Variants in SKIC3 observed in about 807,000 individuals in gnomAD.
SKIC3 encodes SKI3 subunit of superkiller complex, also known as superkiller complex protein 3.
the SKIC3 span, among the ~76,000 whole-genome samples, chr5:95,483,832 C>T: frequency 6.6e-6 from 1 of 152,248 alleles, no homozygotes; most frequent in South Asian, 2.1e-4. Flanking sequence ...AGCCTGCAAG[C>T]ATAGAGCCCT....
the SKIC3 span, among the ~76,000 whole-genome samples, chr5:95,546,234 G>A: frequency 6.6e-6 from 1 of 151,520 alleles, no homozygotes; most frequent in South Asian, 2.1e-4. Flanking sequence ...AAACTACAGC[G>A]GAGTTCACTA....
At chr5:95,520,422 C>G in the SKIC3 span, among the ~76,000 whole-genome samples, 3 of 149,876 alleles carry the variant, frequency 2.0e-5, no homozygotes, top group African/African-American at 7.4e-5. Flanking sequence ...TGAAAGAGAA[C>G]ACTAACACAT....
At chr5:95,517,513 T>C in the SKIC3 span, among the ~76,000 whole-genome samples, 1 of 152,160 alleles carries the variant, frequency 6.6e-6, no homozygotes, top group Non-Finnish European at 1.5e-5. Context: ...AGGAAGGGAT[T>C]ACTTTAAGTG....
chr5:95,503,143 G>T, the SKIC3 span: 1 of 941,856 alleles, frequency 1.1e-6, no homozygotes, highest in Non-Finnish European at 1.6e-6. Context: ...CAAGCAGATA[G>T]AATAAAAATT....
At chr5:95,476,227 T>A in the SKIC3 span, among the ~76,000 whole-genome samples, 1 of 152,180 alleles carries the variant, frequency 6.6e-6, no homozygotes, top group Non-Finnish European at 1.5e-5. Flanking sequence ...CTCAGCTCTG[T>A]ACTCCTGAGT....
At chr5:95,504,364 T>C in the SKIC3 span, among the ~76,000 whole-genome samples, 7,232 of 151,944 alleles carry the variant, frequency 0.048, 259 homozygotes, top group East Asian at 0.11. Context: ...TAAGTTTCTT[T>C]TGATAATTTC....
the SKIC3 span, among the ~76,000 whole-genome samples, chr5:95,486,149 G>A: frequency 6.6e-6 from 1 of 152,146 alleles, no homozygotes; most frequent in African/African-American, 2.4e-5. Context: ...AGCAGCTAGA[G>A]TGAGGCACTA....
the SKIC3 span, among the ~76,000 whole-genome samples, chr5:95,547,637 T>A: frequency 6.6e-6 from 1 of 152,112 alleles, no homozygotes; most frequent in South Asian, 2.1e-4. Flanking sequence ...GAGTTATATT[T>A]TATTTACATT....
At chr5:95,477,603 C>A in the SKIC3 span, among the ~76,000 whole-genome samples, 2 of 152,134 alleles carry the variant, frequency 1.3e-5, no homozygotes, top group Non-Finnish European at 2.9e-5. Context: ...TCCTTTAAAA[C>A]CCCCAGTCCC....
At chr5:95,516,835 A>C in the SKIC3 span, 1 of 1,567,328 alleles carries the variant, frequency 6.4e-7, no homozygotes, top group Non-Finnish European at 8.7e-7. Flanking sequence ...ATGTGAAAAC[A>C]CTATTTACTT....
the SKIC3 span, among the ~76,000 whole-genome samples, chr5:95,539,982 A>G: frequency 3.3e-5 from 5 of 152,212 alleles, no homozygotes; most frequent in Non-Finnish European, 7.3e-5. Context: ...ACAAGTCACA[A>G]CTGCAAAAAT....
chr5:95,512,357 A>C, the SKIC3 span: 1 of 1,207,054 alleles, frequency 8.3e-7, no homozygotes, highest in Non-Finnish European at 1.2e-6. Flanking sequence ...TGCAAAAAGA[A>C]GGCAAATTCA....
chr5:95,507,027 G>T, the SKIC3 span: 1 of 1,581,390 alleles, frequency 6.3e-7, no homozygotes, highest in Non-Finnish European at 8.7e-7. Context: ...AAAAAAAAAG[G>T]TATTTTAATT....
chr5:95,483,784 A>G, the SKIC3 span, among the ~76,000 whole-genome samples: 226 of 151,434 alleles, frequency 1.5e-3, 1 homozygote, highest in African/African-American at 5.4e-3. Flanking sequence ...TTGAGCCCCT[A>G]CTATGTTCTA....
chr5:95,546,998 A>C, the SKIC3 span: 4 of 1,499,756 alleles, frequency 2.7e-6, no homozygotes, highest in East Asian at 2.3e-5. Context: ...CACATATTAC[A>C]AATCAACAAT....
chr5:95,518,965 C>T, the SKIC3 span, among the ~76,000 whole-genome samples: 1 of 151,804 alleles, frequency 6.6e-6, no homozygotes, highest in Non-Finnish European at 1.5e-5. Context: ...TCCTTGCCAG[C>T]CTTTATTTTT....
At chr5:95,520,844 T>C in the SKIC3 span, 1 of 1,494,196 alleles carries the variant, frequency 6.7e-7, no homozygotes, top group South Asian at 1.1e-5. Context: ...TTTGTCACTG[T>C]TATTAAAACA....
the SKIC3 span, among the ~76,000 whole-genome samples, chr5:95,486,071 G>A: frequency 8.5e-5 from 13 of 152,282 alleles, no homozygotes; most frequent in African/African-American, 3.1e-4. Flanking sequence ...CTAACATAGG[G>A]AGTACATAAT....
At chr5:95,503,236 A>G in the SKIC3 span, among the ~76,000 whole-genome samples, 4 of 152,290 alleles carry the variant, frequency 2.6e-5, no homozygotes, top group African/African-American at 4.8e-5. Flanking sequence ...CCTAACTTCT[A>G]CGTTCGGAAT....
Sources: allele counts gnomAD v4.1 joint callset (sites outside exome capture counted in the v4.1 genomes callset), GRCh38; gene constraint gnomAD v4.1.1; transcripts MANE v1.5; gene names NCBI Gene and HGNC (gene_info 2026-07-23, HGNC 2026-07-21).